Variants in PHF21B observed in about 807,000 individuals in gnomAD.
PHF21B encodes PHD finger protein 21B.
In PHF21B, 22 loss-of-function variants were observed where a neutral mutation model predicts 62.2. That is an observed-to-expected ratio of 0.35 (90% CI 0.25 to 0.51). The LOEUF is 0.51. Ranked by LOEUF, PHF21B falls within the 20% of genes least tolerant of loss-of-function variation. The probability of loss-of-function intolerance (pLI) is 0.97; values close to 1 mark genes in which losing one functional copy is unlikely to be tolerated. For missense variants in PHF21B, 701 were observed against 707.9 expected, an observed-to-expected ratio of 0.99 and a Z score of 0.11; for synonymous variants, 341 against 314.7, an observed-to-expected ratio of 1.08 and a Z score of -0.88.
intron 6 of PHF21B, among the ~76,000 whole-genome samples, chr22:44,894,237 A>G (rs1382521586): frequency 6.6e-6 from 1 of 152,218 alleles, no homozygotes; most frequent in African/African-American, 2.4e-5. Context: ...AGAAAGAATT[A>G]AGGATATCAC....
At chr22:44,977,590 G>GT (rs1569268804) in intron 2 of PHF21B, among the ~76,000 whole-genome samples, 2 of 151,550 alleles carry the variant, frequency 1.3e-5, no homozygotes, top group African/African-American at 4.8e-5. Flanking sequence ...GATATCGCTT[G>GT]TTTTTTGGGA....
In PHF21B at chr22:44,893,363, G is replaced by A. The variant is rs2071000422; in HGVS notation, c.960+94C>T. Reference sequence around the variant, plus strand: ...AGGGACAGACGAGGGGGGTGCTTAGGAAAGCGAATGAGGGAGGCCCTGGGA... The same window carrying A: ...AGGGACAGACGAGGGGGGTGCTTAGAAAAGCGAATGAGGGAGGCCCTGGGA... On this transcript the variant is annotated intron_variant, in intron 7 of 12. Coordinates refer to ENST00000313237, the MANE Select transcript of PHF21B (RefSeq NM_138415.5). The A allele has an allele frequency of 1.2e-5, 15 of 1,249,332 alleles. No individual in the cohort carries two copies. The South Asian group carries it at 1.2e-4, about 10-fold the overall frequency. The allele number at this position is 1,249,332 out of a possible 1,614,324, so 77.4% of individuals were successfully genotyped here.
chr22:44,907,344 T>C (rs2071268628), intron 5 of PHF21B, among the ~76,000 whole-genome samples: 1 of 152,226 alleles, frequency 6.6e-6, no homozygotes, highest in African/African-American at 2.4e-5. Flanking sequence ...GAGTTGCAGC[T>C]ACAACCTTGG....
intron 2 of PHF21B, among the ~76,000 whole-genome samples, chr22:44,999,112 A>G (rs1295009508): frequency 6.6e-6 from 1 of 152,250 alleles, no homozygotes; most frequent in East Asian, 1.9e-4. Context: ...CGCTGTTGGC[A>G]GTCAGGGACT....
chr22:44,886,749 C>T (rs1410823165), intron 10 of PHF21B, among the ~76,000 whole-genome samples: 1 of 152,102 alleles, frequency 6.6e-6, no homozygotes, highest in African/African-American at 2.4e-5. Context: ...CAGGTAGCCG[C>T]AGAGGGAACA....
At chr22:44,940,356 C>T (rs1184894285) in intron 2 of PHF21B, among the ~76,000 whole-genome samples, 1 of 152,238 alleles carries the variant, frequency 6.6e-6, no homozygotes, top group African/African-American at 2.4e-5. Context: ...ATTAGCATTG[C>T]TAATCTCCCG....
At position 44,897,557 on chromosome 22, in the gene PHF21B, G is replaced by C. The variant is rs144236304; in HGVS notation, c.832-1474C>G. ...AGCCTCACTCAAGGCCGGCCACAGA[G>C]TAGGTGCTCGTGAGTATTTGATGAA... On this transcript the variant is annotated intron_variant, in intron 5 of 12. Coordinates refer to ENST00000313237, the MANE Select transcript of PHF21B (RefSeq NM_138415.5). 3.4e-3 allele frequency among the ~76,000 whole-genome samples: 511 copies of C among 152,310 alleles called. 4 individuals are homozygous for C. The highest frequency in any genetic ancestry group is 0.012 in the African/African-American group (486 of 41,560).
intron 2 of PHF21B, among the ~76,000 whole-genome samples, chr22:44,981,198 G>A (rs552841357): frequency 5.7e-4 from 87 of 152,296 alleles, no homozygotes; most frequent in African/African-American, 1.9e-3. Context: ...GGGAGGAGAG[G>A]AGAGACCTAG....
rs944074463 is a variant in PHF21B, at chr22:44,930,284, T to C, written c.121-9794A>G. 1.2e-4 allele frequency among the ~76,000 whole-genome samples: 18 copies of C among 152,308 alleles called. No individual in the cohort carries two copies. In the East Asian group the frequency reaches 2.5e-3, roughly 21 times the overall value. ...AGAGGGAGAGGAGGAAGCTGGAGGA[T>C]GCCTATTGCCTCTACCGTGTACTAG... On this transcript the variant is annotated intron_variant, in intron 2 of 12. Transcript: ENST00000313237.
rs540370129 is a variant in PHF21B, at chr22:44,906,204, T to C, written c.831+7618A>G. ...CTCTCCACTGTATCTGGGGTTGCTG[T>C]GGGTTTGAAACGGAGAGGTCCATTC... On this transcript the variant is annotated intron_variant, in intron 5 of 12. Transcript: ENST00000313237. Among the ~76,000 whole-genome samples, 24 of 152,340 alleles carry C rather than the reference T, an allele frequency of 1.6e-4. No individual in the cohort carries two copies. In the South Asian group the frequency reaches 4.6e-3, roughly 29 times the overall value.
chr22:45,009,150 C>T lies in PHF21B; in HGVS notation c.54+346G>A, dbSNP rs1802210011. On this transcript the variant is annotated intron_variant, in intron 1 of 12. Coordinates refer to ENST00000313237, the MANE Select transcript of PHF21B (RefSeq NM_138415.5). The surrounding 1 kb of genome is among the most constrained non-coding windows in gnomAD (Gnocchi z 5.9). ...GGGGCGCGGGGGCCCGAGGGGAGGC[C>T]GGAAGGGGGCCTATTCGCACTCCCC... The T allele has an allele frequency of 1.1e-5, 6 of 543,274 alleles. No individual in the cohort carries two copies. The South Asian group carries it at 3.0e-4, about 27-fold the overall frequency. The allele number at this position is 543,274 out of a possible 1,614,324, so 33.7% of individuals were successfully genotyped here.
At chr22:44,919,674 T>C (rs2071500037) in intron 3 of PHF21B, among the ~76,000 whole-genome samples, 1 of 152,246 alleles carries the variant, frequency 6.6e-6, no homozygotes, top group Admixed American at 6.5e-5. Flanking sequence ...GTATGCTATA[T>C]ACAGCAAGTG....
intron 2 of PHF21B, among the ~76,000 whole-genome samples, chr22:44,993,958 C>T (rs1321544465): frequency 1.3e-5 from 2 of 152,072 alleles, no homozygotes; most frequent in African/African-American, 2.4e-5. Context: ...ATATTCAAAC[C>T]ACCTGCCCAG....
chr22:45,001,878 C>G (rs1024802714), intron 2 of PHF21B: 5 of 152,344 alleles, frequency 3.3e-5, no homozygotes, highest in Admixed American at 3.3e-4. Flanking sequence ...TCGAGGCCAC[C>G]GCCGCTCTCG....
intron 2 of PHF21B, among the ~76,000 whole-genome samples, chr22:44,935,938 G>A (rs948812260): frequency 3.9e-5 from 6 of 152,178 alleles, no homozygotes; most frequent in African/African-American, 7.2e-5. Context: ...AGCTGAGCCT[G>A]GCGCCACGCC....
intron 5 of PHF21B, among the ~76,000 whole-genome samples, chr22:44,912,317 T>C (rs554098500): frequency 6.6e-6 from 1 of 152,252 alleles, no homozygotes; most frequent in Admixed American, 6.5e-5. Context: ...TTTTGAAATA[T>C]GAAGACATGA....
At chr22:44,946,730 G>A (rs534964268) in intron 2 of PHF21B, among the ~76,000 whole-genome samples, 1 of 152,126 alleles carries the variant, frequency 6.6e-6, no homozygotes, top group Non-Finnish European at 1.5e-5. Context: ...GGATGCTCAG[G>A]ATTCCAGGGG....
At chr22:44,917,609 C>A (rs1876933583) in intron 3 of PHF21B, among the ~76,000 whole-genome samples, 1 of 152,206 alleles carries the variant, frequency 6.6e-6, no homozygotes, top group African/African-American at 2.4e-5. Flanking sequence ...GCCATCCTGG[C>A]CTGTTCTACA....
At chr22:44,984,152 CCACCAT>C (rs2072898231) in intron 2 of PHF21B, among the ~76,000 whole-genome samples, 1 of 110,318 alleles carries the variant, frequency 9.1e-6, no homozygotes, top group Non-Finnish European at 2.0e-5. Flanking sequence ...ATCATCATCA[CCACCAT>C]CACCACCATC....
Sources: allele counts gnomAD v4.1 joint callset (sites outside exome capture counted in the v4.1 genomes callset), GRCh38; gene constraint gnomAD v4.1.1; non-coding constraint Gnocchi (gnomAD v3.1); transcripts MANE v1.5; gene names NCBI Gene and HGNC (gene_info 2026-07-23, HGNC 2026-07-21).